Variants in UNC13C observed in about 807,000 individuals in gnomAD.
UNC13C encodes protein unc-13 homolog C.
UNC13C carries 174 observed loss-of-function variants against 245.4 expected under a neutral mutation model. That is an observed-to-expected ratio of 0.71 (90% confidence interval 0.63 to 0.80). UNC13C has a LOEUF of 0.80. Among genes scored for constraint, UNC13C ranks in the 30% least tolerant of loss-of-function variants. The pLI is 0.00. For synonymous variants in UNC13C, 992 were observed against 895.1 expected (o/e 1.11, Z -1.93); for missense variants, 2,829 against 2,602.9 (o/e 1.09, Z -1.89).
chr15:54,147,010 G>A (rs562068120), intron 4 of UNC13C, among the ~76,000 whole-genome samples: 1 of 152,156 alleles, frequency 6.6e-6, no homozygotes, highest in Non-Finnish European at 1.5e-5. Flanking sequence ...CAAGTAGCCA[G>A]CTCTATTATC....
At chr15:54,231,973 G>T (rs1270194007) in intron 4 of UNC13C, among the ~76,000 whole-genome samples, 2 of 151,942 alleles carry the variant, frequency 1.3e-5, no homozygotes, top group East Asian at 3.9e-4. Context: ...CTCCAAGATC[G>T]CTCCTGGTAA....
intron 30 of UNC13C, chr15:54,611,616 G>T (rs2141289858): frequency 6.6e-6 from 1 of 152,216 alleles, no homozygotes; most frequent in East Asian, 1.9e-4. Flanking sequence ...AAAAGTATAT[G>T]CATATACTCC....
At chr15:54,003,951 C>T (rs568692889) in intron 1 of UNC13C, among the ~76,000 whole-genome samples, 1 of 152,244 alleles carries the variant, frequency 6.6e-6, no homozygotes, top group South Asian at 2.1e-4. Flanking sequence ...GGGCAGCTTG[C>T]AGTGAGCCGA....
At chr15:54,181,480 T>C (rs1418694441) in intron 4 of UNC13C, among the ~76,000 whole-genome samples, 1 of 146,806 alleles carries the variant, frequency 6.8e-6, no homozygotes, top group Non-Finnish European at 1.5e-5. Flanking sequence ...TTTGTTTTGT[T>C]TTTTGTTTGT....
chr15:54,622,272 G>T (rs780841857), intron 30 of UNC13C, 55 bp from the exon 31 acceptor site: 13 of 1,162,824 alleles, frequency 1.1e-5, no homozygotes, highest in Non-Finnish European at 1.6e-5. Context: ...GAATGAAATT[G>T]TCCATTATTA....
intron 30 of UNC13C, among the ~76,000 whole-genome samples, chr15:54,611,047 G>A (rs954059914): frequency 6.6e-6 from 1 of 152,192 alleles, no homozygotes; most frequent in Non-Finnish European, 1.5e-5. Context: ...AGGGATACAC[G>A]ATGAGGTGGC....
rs16974773 is a variant in UNC13C, at chr15:54,549,026, C to G, written c.5821-609C>G. The stretch of plus-strand genomic sequence containing the variant: ...CCTTCCTGTGACAATATTTCAAGCT[C>G]TAATGAACTTGGCCAAATTTAGTAC... On this transcript the variant is annotated intron_variant, in intron 27 of 32. Coordinates refer to ENST00000260323, the MANE Select transcript of UNC13C (RefSeq NM_001080534.3). Among the ~76,000 whole-genome samples the G allele has an allele frequency of 7.9e-3, 1,197 of 152,280 alleles. 19 individuals are homozygous for G. Among genetic ancestry groups the G allele is most frequent in the African/African-American group, 0.027 (1,118 of 41,558 alleles).
intron 29 of UNC13C, among the ~76,000 whole-genome samples, chr15:54,556,284 G>A (rs1050085854): frequency 6.6e-6 from 1 of 152,054 alleles, no homozygotes; most frequent in African/African-American, 2.4e-5. Context: ...TAACTATACT[G>A]TAACTGTTAG....
intron 4 of UNC13C, among the ~76,000 whole-genome samples, chr15:54,222,443 G>A (rs1270434097): frequency 1.3e-5 from 2 of 151,964 alleles, no homozygotes; most frequent in Admixed American, 6.6e-5. Context: ...TGTTTTTATG[G>A]CTGAATAGTA....
chr15:54,147,157 CT>C (rs2032296814), intron 4 of UNC13C, among the ~76,000 whole-genome samples: 1 of 151,852 alleles, frequency 6.6e-6, no homozygotes, highest in South Asian at 2.1e-4. Flanking sequence ...CAGATTCTCT[CT>C]AAGGGATATC....
chr15:53,960,741 A>G, the UNC13C span, among the ~76,000 whole-genome samples: 2 of 152,078 alleles, frequency 1.3e-5, no homozygotes, highest in African/African-American at 4.8e-5. Context: ...TTTCATATCC[A>G]TGTCAATAAA....
chr15:54,431,819 G>A (rs919504220), intron 19 of UNC13C, among the ~76,000 whole-genome samples: 1 of 151,470 alleles, frequency 6.6e-6, no homozygotes, highest in African/African-American at 2.4e-5. Context: ...AAAATCTACT[G>A]CACAGATTCT....
At chr15:54,284,188 T>G (rs962023423) in intron 10 of UNC13C, among the ~76,000 whole-genome samples, 1 of 152,192 alleles carries the variant, frequency 6.6e-6, no homozygotes, top group Admixed American at 6.5e-5. Context: ...GGAAGATAAT[T>G]TCCTTATTAA....
intron 2 of UNC13C, among the ~76,000 whole-genome samples, chr15:54,093,192 C>CAA (rs3985783): frequency 1.4e-5 from 2 of 146,464 alleles, no homozygotes; most frequent in Admixed American, 6.7e-5. Flanking sequence ...ATGTAAATTA[C>CAA]AAAAAAAAAA....
At chr15:54,140,504 G>A (rs764643121) in intron 2 of UNC13C, among the ~76,000 whole-genome samples, 30 of 152,186 alleles carry the variant, frequency 2.0e-4, no homozygotes, top group Non-Finnish European at 4.3e-4. Flanking sequence ...TAGCAAAGAG[G>A]AATGCACAGT....
chr15:54,036,215 T>A (rs948439649), intron 2 of UNC13C, among the ~76,000 whole-genome samples: 3 of 152,184 alleles, frequency 2.0e-5, no homozygotes, highest in Non-Finnish European at 2.9e-5. Flanking sequence ...GGCACCCTAA[T>A]ATGCCAAGGC....
At chr15:54,006,973 G>T (rs911979414) in intron 1 of UNC13C, among the ~76,000 whole-genome samples, 1 of 152,276 alleles carries the variant, frequency 6.6e-6, no homozygotes. Context: ...CTTCTCTGTT[G>T]CAGTGATTCT....
rs1317799065 is a variant in UNC13C at position 54,628,263 on chromosome 15, G to C, written c.*1150G>C. On this transcript the variant is annotated 3_prime_UTR_variant, in exon 33 of 33. Coordinates refer to ENST00000260323, the MANE Select transcript of UNC13C (RefSeq NM_001080534.3). ...TGCATTTTCTGTATTGTTATGATTT[G>C]ACTTTTTAGAGTCTATGCCAAAATA... The C allele has an allele frequency of 6.6e-6, 1 of 152,048 alleles. No homozygotes were observed. The highest frequency in any genetic ancestry group is 1.5e-5 in the Non-Finnish European group (1 of 67,990). The allele number at this position is 152,048 out of a possible 1,614,324, so 9.4% of individuals were successfully genotyped here.
chr15:54,551,731 GT>G (rs1896742546), intron 28 of UNC13C, among the ~76,000 whole-genome samples: 2 of 151,774 alleles, frequency 1.3e-5, no homozygotes, highest in South Asian at 4.2e-4. Context: ...AAATAACTTC[GT>G]TCTGTATCAT....
Sources: allele counts gnomAD v4.1 joint callset (sites outside exome capture counted in the v4.1 genomes callset), GRCh38; gene constraint gnomAD v4.1.1; transcripts MANE v1.5; gene names NCBI Gene and HGNC (gene_info 2026-07-23, HGNC 2026-07-21).